The following GORASP1 variants were observed in gnomAD, a reference collection of about 807,000 sequenced individuals.
The protein encoded by GORASP1 is Golgi reassembly-stacking protein 1.
A neutral mutation model predicts 37.7 loss-of-function variants in GORASP1; 31 were observed. The ratio of observed to expected loss-of-function variants is 0.82; its 90% CI spans 0.62 to 1.11. The LOEUF (loss-of-function observed/expected upper bound fraction) is 1.11. Among genes scored for constraint, GORASP1 ranks in the 50% least tolerant of loss-of-function variants. The pLI is 0.00. For missense variants in GORASP1, 476 were observed against 560.7 expected (o/e 0.85, Z 1.53); for synonymous variants, 204 against 224.8 (o/e 0.91, Z 0.83).
rs1275677975 is a variant in GORASP1 at position 39,098,319 on chromosome 3, C to T, written c.1240G>A (p.Glu414Lys). The T allele has an allele frequency of 7.4e-6, 12 of 1,614,206 alleles. No homozygotes were observed. The highest frequency in any genetic ancestry group is 1.0e-5 in the Non-Finnish European group (12 of 1,180,038). ...AELLEAQAEE[E>K]PASTEGLDTG... is the part of the protein sequence containing the mutation. ...TCTAGGCCCTCTGTGCTTGCTGGTT[C>T]CTCCTCAGCCTGAGCTTCAAGCAGC... The change falls in exon 9 of 9, where the codon GAA becomes AAA. Residue 414 changes from glutamate to lysine, a missense_variant. By Grantham distance (56) the Glu-to-Lys change is moderately conservative. Transcript: ENST00000319283. The surrounding 1 kb of genome is among the most constrained non-coding windows in gnomAD (Gnocchi z 4.7).
intron 1 of GORASP1, chr3:39,107,163 GGTA>G (rs1359317613): frequency 1.9e-6 from 1 of 537,884 alleles, no homozygotes; most frequent in South Asian, 1.6e-5. Flanking sequence ...CGTCCCGACT[GGTA>G]GTGGTGCATT....
chr3:39,106,851 CG>C (rs886195580), intron 1 of GORASP1: 37 of 279,774 alleles, frequency 1.3e-4, no homozygotes, highest in African/African-American at 8.0e-4. Context: ...CTCCATGTAG[CG>C]GCATCTAAAG....
Position 39,103,618 on chromosome 3 carries a change from C to T in GORASP1, c.64-65G>A. The T allele has an allele frequency of 7.8e-7, 1 of 1,275,794 alleles. No individual in the cohort carries two copies. Among genetic ancestry groups the T allele is most frequent in the Non-Finnish European group, 1.1e-6 (1 of 902,394 alleles). 79.0% of individuals were successfully genotyped at this position (1,275,794 alleles called of 1,614,324 possible). On this transcript the variant is annotated intron_variant, in intron 1 of 8. Transcript: ENST00000319283. The surrounding 1 kb of genome is among the most constrained non-coding windows in gnomAD (Gnocchi z 5.2). ...GGGACTCTCCAAGTAGCCCTCTCCC[C>T]CATTTCAGGAACCATCAGCACTCCC...
In GORASP1 at chr3:39,100,516, A is replaced by G; in HGVS notation, c.567-13T>C. 1 of 1,549,890 alleles carries G rather than the reference A, an allele frequency of 6.5e-7. No homozygotes were observed. The highest frequency in any genetic ancestry group is 8.7e-7 in the Non-Finnish European group (1 of 1,149,464). On this transcript the variant is annotated splice_polypyrimidine_tract_variant and intron_variant, in intron 5 of 8. Coordinates refer to ENST00000319283, the MANE Select transcript of GORASP1 (RefSeq NM_031899.4). The surrounding 1 kb of genome is among the most constrained non-coding windows in gnomAD (Gnocchi z 4.6). ...GCCACATCCCAGACTGCCGAAGGCC[A>G]GAAACATTCAATCCAGGGGCTTGTC...
chr3:39,098,021 G>T lies in GORASP1; in HGVS notation c.*215C>A, dbSNP rs957913636. ...ACCAGACCCTGCTGCCTCCTGGGAA[G>T]CCCCAGTGACCAGAGCAGGACCAAG... On this transcript the variant is annotated 3_prime_UTR_variant, in exon 9 of 9. Coordinates refer to ENST00000319283, the MANE Select transcript of GORASP1 (RefSeq NM_031899.4). This position sits in a 1 kb window ranked among gnomAD's most constrained non-coding sequence, Gnocchi z 4.7. 5.1e-6 allele frequency: 3 copies of T among 586,050 alleles called. No individual in the cohort carries two copies. The East Asian group carries it at 8.6e-5, about 17-fold the overall frequency. The allele number at this position is 586,050 out of a possible 1,614,324, so 36.3% of individuals were successfully genotyped here. A position where few individuals can be genotyped will look rare whatever the true frequency, so the allele number is the denominator to read the frequency against.
rs2035808459 is a variant in GORASP1, at chr3:39,102,858, C to T, written c.168G>A (p.Lys56=). The T allele has an allele frequency of 2.1e-5, 34 of 1,614,200 alleles. No homozygotes were observed. Among genetic ancestry groups the T allele is most frequent in the Non-Finnish European group, 2.8e-5 (33 of 1,180,036 alleles). Residue 56 remains lysine, a synonymous_variant, in exon 3 of 9, where the codon AAG becomes AAA. Coordinates refer to ENST00000319283, the MANE Select transcript of GORASP1 (RefSeq NM_031899.4). This position sits in a 1 kb window ranked among gnomAD's most constrained non-coding sequence, Gnocchi z 5.0. ...TCTCCACATTGGCTTTCAGTAGTGCCTTCAGGGTGTCATTCTCCTTGTTCT... is the reference window on the plus strand; with the variant it reads ...TCTCCACATTGGCTTTCAGTAGTGCTTTCAGGGTGTCATTCTCCTTGTTCT... ...SRLNKENDTL[K]ALLKANVEKP...
In GORASP1 at chr3:39,107,431, G is replaced by A. The variant is rs2036269034; in HGVS notation, c.63+48C>T. ...CCGGCGACCGGACGCCCGGGCGCGG[G>A]GTTGCGGGCGCCTCGCCAAGGTCAC... is the stretch of plus-strand genomic sequence containing the variant. On this transcript the variant is annotated intron_variant, in intron 1 of 8. Coordinates refer to ENST00000319283, the MANE Select transcript of GORASP1 (RefSeq NM_031899.4). 9.0e-6 allele frequency: 11 copies of A among 1,215,944 alleles called. No individual in the cohort carries two copies. The South Asian group carries it at 2.5e-4, about 28-fold the overall frequency. The allele number at this position is 1,215,944 out of a possible 1,614,324, so 75.3% of individuals were successfully genotyped here. A position where few individuals can be genotyped will look rare whatever the true frequency, so the allele number is the denominator to read the frequency against.
At chr3:39,107,312 C>G (rs2036248618) in intron 1 of GORASP1, 167 bp downstream of exon 1, 2 of 467,464 alleles carry the variant, frequency 4.3e-6, no homozygotes, top group Non-Finnish European at 7.3e-6. Flanking sequence ...CCCGCGAGGC[C>G]GCCTCTCCCA....
intron 1 of GORASP1, chr3:39,107,107 G>A (rs7374053): frequency 0.03 from 14,130 of 478,132 alleles, 483 homozygotes; most frequent in East Asian, 0.16. Flanking sequence ...AGCACGGAGA[G>A]CGGCCCGCGG....
chr3:39,100,640 G>A lies in GORASP1; in HGVS notation c.566+107C>T. On this transcript the variant is annotated intron_variant, in intron 5 of 8. Coordinates refer to ENST00000319283, the MANE Select transcript of GORASP1 (RefSeq NM_031899.4). This position sits in a 1 kb window ranked among gnomAD's most constrained non-coding sequence, Gnocchi z 4.6. Reference sequence around the variant, plus strand: ...TACCGGTCAGCCTCAGGATCCCTGGGCCCAGGGCCCAACCCTCCTCCATCT... The same window carrying A: ...TACCGGTCAGCCTCAGGATCCCTGGACCCAGGGCCCAACCCTCCTCCATCT... 6.6e-7 allele frequency: 1 copy of A among 1,505,638 alleles called. No homozygotes were observed. The highest frequency in any genetic ancestry group is 2.5e-4 in the Middle Eastern group (1 of 4,048). 93.3% of individuals were successfully genotyped at this position (1,505,638 alleles called of 1,614,324 possible). A position where few individuals can be genotyped will look rare whatever the true frequency, so the allele number is the denominator to read the frequency against.
rs951643285 is a variant in GORASP1 at position 39,102,112 on chromosome 3, C to G, written c.348+566G>C. On this transcript the variant is annotated intron_variant, in intron 3 of 8. Transcript: ENST00000319283. The surrounding 1 kb of genome is among the most constrained non-coding windows in gnomAD (Gnocchi z 5.0). ...TAACCTACACATAGCCTACTAGACA[C>G]CTGGAGTATATGCTATGGCCTGTTG... Among the ~76,000 whole-genome samples, 1 of 152,130 alleles carries G rather than the reference C, an allele frequency of 6.6e-6. No homozygotes were observed. The highest frequency in any genetic ancestry group is 1.5e-5 in the Non-Finnish European group (1 of 68,032).
chr3:39,104,740 T>TCC (rs2035931538), intron 1 of GORASP1, among the ~76,000 whole-genome samples: 1 of 152,152 alleles, frequency 6.6e-6, no homozygotes, highest in Non-Finnish European at 1.5e-5. Context: ...ACTGAGCCCC[T>TCC]CCTTATCACC....
Position 39,100,835 on chromosome 3 carries a change from G to A in GORASP1, c.478C>T (p.Pro160Ser), listed in dbSNP as rs1470487459. 4 of 1,613,998 alleles carry A rather than the reference G, an allele frequency of 2.5e-6. No individual in the cohort carries two copies. The highest frequency in any genetic ancestry group is 3.4e-6 in the Non-Finnish European group (4 of 1,179,986). Residue 160 changes from proline (P) to serine (S), a missense_variant, in exon 5 of 9, where the codon CCC (proline) becomes TCC (serine). By Grantham distance (74) the Pro-to-Ser change is moderately conservative (BLOSUM62 -1). Coordinates refer to ENST00000319283, the MANE Select transcript of GORASP1 (RefSeq NM_031899.4). This position sits in a 1 kb window ranked among gnomAD's most constrained non-coding sequence, Gnocchi z 4.6. ...GAGTTATACACCATCAGCTTCAAGG[G>A]CTTCCCCTCATGAGACTCGATGAGC... ...FTLIESHEGK[P>S]LKLMVYNSKS...
In GORASP1 at chr3:39,107,114, G is replaced by A. The variant is rs896386065; in HGVS notation, c.63+365C>T. ...CCAGGCCCAGCACGGAGAGCGGCCC[G>A]CGGCAGGCGAGCGTAAATGTGTGCT... On this transcript the variant is annotated intron_variant, in intron 1 of 8. Coordinates refer to ENST00000319283, the MANE Select transcript of GORASP1 (RefSeq NM_031899.4). 21 of 482,456 alleles carry A rather than the reference G, an allele frequency of 4.4e-5. 1 individual carries two copies. In the Admixed American group the frequency reaches 4.6e-4, roughly 11 times the overall value. 29.9% of individuals were successfully genotyped at this position (482,456 alleles called of 1,614,324 possible).
rs952003430 is a variant in GORASP1 at position 39,107,464 on chromosome 3, G to A, written c.63+15C>T. The A allele has an allele frequency of 1.5e-6, 2 of 1,339,546 alleles. No individual in the cohort carries two copies. The highest frequency in any genetic ancestry group is 9.5e-7 in the Non-Finnish European group (1 of 1,051,146). 83.0% of individuals were successfully genotyped at this position (1,339,546 alleles called of 1,614,324 possible). ...GCGCCTCGCCAAGGTCACCGGCGCC[G>A]CGGCGGCAACTCACCCCGTGGAGGT... On this transcript the variant is annotated intron_variant, in intron 1 of 8. Transcript: ENST00000319283.
Position 39,098,342 on chromosome 3 carries a change from A to G in GORASP1, c.1217T>C (p.Leu406Pro). ...ASPEDGLSAE[L>P]LEAQAEEEPA... ...TTCCTCCTCAGCCTGAGCTTCAAGC[A>G]GCTCGGCGGACAGCCCATCTTCTGG... The change falls in exon 9 of 9, where the codon CTG becomes CCG. Residue 406 changes from leucine (L) to proline (P), a missense_variant. Transcript: ENST00000319283. This position sits in a 1 kb window ranked among gnomAD's most constrained non-coding sequence, Gnocchi z 4.7. 1 of 1,614,216 alleles carries G rather than the reference A, an allele frequency of 6.2e-7. No homozygotes were observed. The highest frequency in any genetic ancestry group is 8.5e-7 in the Non-Finnish European group (1 of 1,180,032).
chr3:39,100,197 C>T lies in GORASP1; in HGVS notation c.765+108G>A, dbSNP rs2035605317. 2.0e-6 allele frequency: 2 copies of T among 987,930 alleles called. No individual in the cohort carries two copies. The highest frequency in any genetic ancestry group is 3.2e-6 in the Non-Finnish European group (2 of 629,650). 61.2% of individuals were successfully genotyped at this position (987,930 alleles called of 1,614,324 possible). A position where few individuals can be genotyped will look rare whatever the true frequency, so the allele number is the denominator to read the frequency against. On this transcript the variant is annotated intron_variant, in intron 6 of 8. Coordinates refer to ENST00000319283, the MANE Select transcript of GORASP1 (RefSeq NM_031899.4). This position sits in a 1 kb window ranked among gnomAD's most constrained non-coding sequence, Gnocchi z 4.6. The stretch of plus-strand genomic sequence containing the variant: ...CTGCTCCCACTGGGTCCCAGAAGTA[C>T]ATGGGCCTCTCAGATCACAAAGGCC...
At position 39,105,376 on chromosome 3, in the gene GORASP1, G is replaced by A. The variant is rs1184828347; in HGVS notation, c.64-1823C>T. 6.6e-6 allele frequency among the ~76,000 whole-genome samples: 1 copy of A among 152,086 alleles called. No homozygotes were observed. The highest frequency in any genetic ancestry group is 1.5e-5 in the Non-Finnish European group (1 of 68,010). ...CAGGGAACCTAATGGAACTCACAGT[G>A]ATCACAACTTACACTTACTAAGGGC... On this transcript the variant is annotated intron_variant, in intron 1 of 8. Coordinates refer to ENST00000319283, the MANE Select transcript of GORASP1 (RefSeq NM_031899.4). This position sits in a 1 kb window ranked among gnomAD's most constrained non-coding sequence, Gnocchi z 5.4.
At chr3:39,106,534 C>T (rs1559651764) in intron 1 of GORASP1, among the ~76,000 whole-genome samples, 2 of 152,180 alleles carry the variant, frequency 1.3e-5, no homozygotes. Context: ...AAACTTTTAG[C>T]CCTCTCATGT....
Sources: allele counts gnomAD v4.1 joint callset (sites outside exome capture counted in the v4.1 genomes callset), GRCh38; gene constraint gnomAD v4.1.1; non-coding constraint Gnocchi (gnomAD v3.1); transcripts MANE v1.5; gene names NCBI Gene and HGNC (gene_info 2026-07-23, HGNC 2026-07-21).